The following R3HDML variants were observed in gnomAD, a reference collection of about 807,000 sequenced individuals.
R3HDML encodes peptidase inhibitor R3HDML.
Under a neutral mutation model 24.2 loss-of-function variants are expected in R3HDML, and 21 were observed. The ratio of observed to expected loss-of-function variants is 0.87; its 90% CI spans 0.62 to 1.25. The LOEUF is 1.25. Ranked by LOEUF, R3HDML falls within the 50% of genes most tolerant of loss-of-function variation. The probability of loss-of-function intolerance (pLI) is 0.00; values close to 1 mark genes in which losing one functional copy is unlikely to be tolerated. For synonymous variants in R3HDML, 133 were observed against 131.5 expected, an observed-to-expected ratio of 1.01 and a Z score of -0.08; for missense variants, 301 against 340.3, an observed-to-expected ratio of 0.88 and a Z score of 0.91.
At chr20:44,341,650 T>C (rs1213948366) in intron 2 of R3HDML, among the ~76,000 whole-genome samples, 4 of 152,118 alleles carry the variant, frequency 2.6e-5, no homozygotes, top group Non-Finnish European at 4.4e-5. Context: ...TTTGGGAGGC[T>C]GAGGTGGGCA....
intron 4 of R3HDML, among the ~76,000 whole-genome samples, chr20:44,345,829 C>CTTTCTTTTTTTTTTTTT (rs1428987914): frequency 1.4e-5 from 2 of 147,772 alleles, no homozygotes; most frequent in Non-Finnish European, 1.5e-5. Context: ...TTCTTTCTTT[C>CTTTCTTTTTTTTTTTTT]TTTTTTTTGA....
chr20:44,345,503 A>T, intron 4 of R3HDML, 125 bp downstream of exon 4: 1 of 674,218 alleles, frequency 1.5e-6, no homozygotes, highest in Non-Finnish European at 2.5e-6. Flanking sequence ...TAATTTGGGT[A>T]GTTTTAAGAG....
chr20:44,347,245 G>A (rs2062790151), intron 4 of R3HDML, among the ~76,000 whole-genome samples: 1 of 151,396 alleles, frequency 6.6e-6, no homozygotes, highest in East Asian at 1.9e-4. Flanking sequence ...GGGGGACGAG[G>A]TCTTGCTCTG....
At position 44,337,239 on chromosome 20, in the gene R3HDML, A is replaced by C; in HGVS notation, c.82A>C (p.Asn28His). 8 of 1,613,950 alleles carry C rather than the reference A, an allele frequency of 5.0e-6. No homozygotes were observed. Among genetic ancestry groups the C allele is most frequent in the Non-Finnish European group, 5.9e-6 (7 of 1,180,012 alleles). ...GQAVNALIMP[N>H]ATPAPAQPES... ...GGCAGTGAACGCCTTGATAATGCCT[A>C]ATGCTACCCCAGCCCCGGCCCAGCC... Residue 28 changes from asparagine (N) to histidine (H), a missense_variant, in exon 1 of 5, where the codon AAT becomes CAT. Physicochemically the swap from Asn to His is moderately conservative, Grantham distance 68 (BLOSUM62 1). Coordinates refer to ENST00000217043, the MANE Select transcript of R3HDML (RefSeq NM_178491.4). The surrounding 1 kb of genome is among the most constrained non-coding windows in gnomAD (Gnocchi z 4.7).
At chr20:44,350,185 G>A (rs992280561) in intron 4 of R3HDML, among the ~76,000 whole-genome samples, 1 of 152,138 alleles carries the variant, frequency 6.6e-6, no homozygotes, top group Non-Finnish European at 1.5e-5. Flanking sequence ...TCCTTAGAGA[G>A]AGAGGAGGCT....
At chr20:44,349,791 T>C (rs1169265833) in intron 4 of R3HDML, among the ~76,000 whole-genome samples, 2 of 152,132 alleles carry the variant, frequency 1.3e-5, no homozygotes, top group Non-Finnish European at 2.9e-5. Context: ...AGAAAAAGGC[T>C]GGGCGCGGTG....
At chr20:44,342,923 C>T (rs2062775929) in intron 2 of R3HDML, among the ~76,000 whole-genome samples, 1 of 152,124 alleles carries the variant, frequency 6.6e-6, no homozygotes, top group South Asian at 2.1e-4. Context: ...TGCTGCACTC[C>T]AGCCTGGGCA....
rs1482185784 is a variant in R3HDML, at chr20:44,337,785, C to T, written c.261+367C>T. Among the ~76,000 whole-genome samples, 1 of 152,222 alleles carries T rather than the reference C, an allele frequency of 6.6e-6. No individual in the cohort carries two copies. The highest frequency in any genetic ancestry group is 1.5e-5 in the Non-Finnish European group (1 of 68,048). ...TCAATCCAGGTCTGCCTGCTGCCAC[C>T]TGGCACCATCACAACTGTAACCATC... is the stretch of plus-strand genomic sequence containing the variant. On this transcript the variant is annotated intron_variant, in intron 1 of 4. Transcript: ENST00000217043. The surrounding 1 kb of genome is among the most constrained non-coding windows in gnomAD (Gnocchi z 4.7).
chr20:44,343,940 G>C (rs78544523), intron 3 of R3HDML, among the ~76,000 whole-genome samples: 15,347 of 152,126 alleles, frequency 0.1, 960 homozygotes, highest in Middle Eastern at 0.17. Context: ...GAGTTTGAGA[G>C]CAGCCTAGGC....
At chr20:44,346,900 G>A (rs2062788645) in intron 4 of R3HDML, among the ~76,000 whole-genome samples, 1 of 152,222 alleles carries the variant, frequency 6.6e-6, no homozygotes, top group Non-Finnish European at 1.5e-5. Flanking sequence ...CCAGCACTTT[G>A]GGGGGCTGAG....
At chr20:44,343,318 CG>C in intron 2 of R3HDML, 58 bp from the exon 3 acceptor site, 1 of 1,587,292 alleles carries the variant, frequency 6.3e-7, no homozygotes, top group Non-Finnish European at 8.6e-7. Flanking sequence ...AGCAAGTTGG[CG>C]GCCGAGCCAC....
chr20:44,346,389 C>T (rs911909209), intron 4 of R3HDML, among the ~76,000 whole-genome samples: 1 of 152,230 alleles, frequency 6.6e-6, no homozygotes, highest in African/African-American at 2.4e-5. Flanking sequence ...GCTGGGATTA[C>T]AGGCGTGAGC....
intron 2 of R3HDML, among the ~76,000 whole-genome samples, chr20:44,343,007 G>C (rs1281845401): frequency 6.6e-6 from 1 of 152,076 alleles, no homozygotes; most frequent in African/African-American, 2.4e-5. Context: ...GACTACAGAG[G>C]TTATCTCTGG....
At position 44,345,829 on chromosome 20, in the gene R3HDML, C is replaced by CTTTCTTTTTTTTTTTTTT. The variant is rs1428987914; in HGVS notation, c.629+454_629+455insCTTTTTTTTTTTTTTTTT. Among the ~76,000 whole-genome samples, 24 of 147,868 alleles carry CTTTCTTTTTTTTTTTTTT rather than the reference C, an allele frequency of 1.6e-4. 2 individuals are homozygous for CTTTCTTTTTTTTTTTTTT. The highest frequency in any genetic ancestry group is 2.1e-4 in the South Asian group (1 of 4,666). ...TAATCCATTTTTTCTTTCTTTCTTT[C>CTTTCTTTTTTTTTTTTTT]TTTTTTTTGAGAAGAGGCCTTGCTC... On this transcript the variant is annotated intron_variant, in intron 4 of 4. Coordinates refer to ENST00000217043, the MANE Select transcript of R3HDML (RefSeq NM_178491.4).
chr20:44,348,176 T>C (rs117845740), intron 4 of R3HDML, among the ~76,000 whole-genome samples: 19 of 152,234 alleles, frequency 1.2e-4, no homozygotes, highest in Non-Finnish European at 1.9e-4. Flanking sequence ...TTCAAATGTG[T>C]GATCTTACTT....
At chr20:44,342,324 G>A (rs1046156921) in intron 2 of R3HDML, among the ~76,000 whole-genome samples, 1 of 152,158 alleles carries the variant, frequency 6.6e-6, no homozygotes, top group African/African-American at 2.4e-5. Context: ...TCAGGGCCCT[G>A]TCTGTGTTTT....
At chr20:44,339,087 T>C (rs920388898) in intron 1 of R3HDML, among the ~76,000 whole-genome samples, 10 of 147,368 alleles carry the variant, frequency 6.8e-5, no homozygotes, top group Non-Finnish European at 1.1e-4. Flanking sequence ...AAAAAAAATA[T>C]TGGGCCAGAC....
chr20:44,341,536 C>T (rs2062772418), intron 2 of R3HDML, among the ~76,000 whole-genome samples: 1 of 152,270 alleles, frequency 6.6e-6, no homozygotes, highest in East Asian at 1.9e-4. Flanking sequence ...GGTTTGAGAA[C>T]AAACAAGTGC....
intron 4 of R3HDML, 119 bp from the exon 5 acceptor site, chr20:44,350,541 C>G (rs905242302): frequency 2.5e-6 from 2 of 812,838 alleles, no homozygotes; most frequent in Non-Finnish European, 3.7e-6. Flanking sequence ...CCAAGGCTTG[C>G]AGATGTGACT....
Sources: allele counts gnomAD v4.1 joint callset (sites outside exome capture counted in the v4.1 genomes callset), GRCh38; gene constraint gnomAD v4.1.1; non-coding constraint Gnocchi (gnomAD v3.1); transcripts MANE v1.5; gene names NCBI Gene and HGNC (gene_info 2026-07-23, HGNC 2026-07-21).